The following ALG12 variants were observed in gnomAD, a reference collection of about 807,000 sequenced individuals.
The protein encoded by ALG12 is ALG12 alpha-1,6-mannosyltransferase, also known as dol-P-Man:Man(7)GlcNAc(2)-PP-Dol alpha-1,6-mannosyltransferase.
Under a neutral mutation model 46.0 loss-of-function variants are expected in ALG12, and 36 were observed. That is an observed-to-expected ratio of 0.78 (90% confidence interval 0.60 to 1.03). The LOEUF (loss-of-function observed/expected upper bound fraction) is 1.03. Ranked by LOEUF, ALG12 falls within the 50% of genes least tolerant of loss-of-function variation. ALG12 has a pLI of 0.00. For synonymous variants in ALG12, 326 were observed against 291.6 expected (o/e 1.12, Z -1.20); for missense variants, 599 against 633.5 (o/e 0.95, Z 0.58).
chr22:49,907,400 A>G (rs950778400), intron 7 of ALG12, among the ~76,000 whole-genome samples: 6 of 152,186 alleles, frequency 3.9e-5, no homozygotes, highest in Non-Finnish European at 7.4e-5. Context: ...GGCCGGTCCC[A>G]TCCCATGCAG....
the ALG12 span, chr22:49,887,696 G>A: frequency 0.048 from 8,074 of 168,154 alleles, 532 homozygotes; most frequent in African/African-American, 0.16. Context: ...AAAGTGTCCC[G>A]CGGAGTACAG....
the ALG12 span, among the ~76,000 whole-genome samples, chr22:49,871,488 TA>T: frequency 2.0e-5 from 3 of 150,498 alleles, no homozygotes; most frequent in African/African-American, 7.3e-5. Flanking sequence ...GTCTCAAAAA[TA>T]AAAAAAAAGT....
At chr22:49,867,649 C>A in the ALG12 span, among the ~76,000 whole-genome samples, 12 of 152,294 alleles carry the variant, frequency 7.9e-5, no homozygotes, top group African/African-American at 2.6e-4. Flanking sequence ...TCCAGTGATA[C>A]CTGTTGGCTA....
the ALG12 span, among the ~76,000 whole-genome samples, chr22:49,868,949 T>G: frequency 1.4e-5 from 1 of 69,830 alleles, no homozygotes; most frequent in South Asian, 5.8e-4. Context: ...CTGTCTCTAC[T>G]AAAAATACAA....
At chr22:49,912,139 T>C (rs1163611742) in intron 3 of ALG12, among the ~76,000 whole-genome samples, 1 of 143,800 alleles carries the variant, frequency 7.0e-6, no homozygotes, top group East Asian at 2.0e-4. Context: ...AGGATCACCC[T>C]CGGCCCCGGG....
chr22:49,886,788 C>T, the ALG12 span: 5 of 1,612,546 alleles, frequency 3.1e-6, no homozygotes, highest in South Asian at 1.1e-5. This position sits in a 1 kb window ranked among gnomAD's most constrained non-coding sequence, Gnocchi z 7.7. Context: ...CCTCAGAGGA[C>T]GTGGCTGCCT....
At chr22:49,914,060 T>A (rs563505464) in intron 1 of ALG12, among the ~76,000 whole-genome samples, 7 of 152,354 alleles carry the variant, frequency 4.6e-5, no homozygotes, top group African/African-American at 1.7e-4. Context: ...GCTCTGTGAA[T>A]GTTTTTCTAG....
the ALG12 span, among the ~76,000 whole-genome samples, chr22:49,871,684 G>A: frequency 6.6e-6 from 1 of 151,846 alleles, no homozygotes; most frequent in African/African-American, 2.4e-5. Flanking sequence ...ACCAATCAGA[G>A]TGCAGATTGC....
At chr22:49,897,663 CTTTTTTTTTTTT>C (rs146468551), downstream of ALG12, among the ~76,000 whole-genome samples, 3 of 103,656 alleles carry the variant, frequency 2.9e-5, no homozygotes, top group South Asian at 3.3e-4. Flanking sequence ...CCCATGTTTT[CTTTTTTTTTTTT>C]TTTTTTTTTT....
the ALG12 span, chr22:49,883,643 C>T: frequency 1.7e-5 from 26 of 1,525,032 alleles, no homozygotes; most frequent in African/African-American, 6.9e-5. Context: ...AAGATACAGC[C>T]GGAGTAGTTA....
chr22:49,898,907 T>G (rs2060493688), downstream of ALG12, among the ~76,000 whole-genome samples: 1 of 151,958 alleles, frequency 6.6e-6, no homozygotes, highest in African/African-American at 2.4e-5. Context: ...CGTGCACCAC[T>G]GAGGATAATG....
At chr22:49,897,821 A>G (rs2060489633), downstream of ALG12, among the ~76,000 whole-genome samples, 2 of 150,882 alleles carry the variant, frequency 1.3e-5, no homozygotes, top group South Asian at 4.2e-4. Flanking sequence ...ACGCCCGGAT[A>G]ATTTTTTTGT....
the ALG12 span, among the ~76,000 whole-genome samples, chr22:49,879,093 C>T: frequency 4.0e-5 from 6 of 148,630 alleles, no homozygotes; most frequent in African/African-American, 7.4e-5. Flanking sequence ...TGCAGTGAGC[C>T]GAGATCGCGC....
chr22:49,909,384 C>T, intron 5 of ALG12, 37 bp from the exon 6 acceptor site: 3 of 1,590,224 alleles, frequency 1.9e-6, no homozygotes, highest in Non-Finnish European at 2.6e-6. Flanking sequence ...GTCGCAAACA[C>T]AGCCATCAGT....
chr22:49,903,923 C>G lies in ALG12; in HGVS notation c.1382G>C (p.Ser461Thr). ...GGGGGGCAGTTGGGTCAGGTTCAGA[C>G]TCACACCTGTGGTCCCCACGACGCT... The part of the protein sequence containing the change: ...LASVVGTTGV[S>T]LNLTQLPPFN... Residue 461 changes from serine to threonine, a missense_variant, in exon 10 of 10, where the codon AGT (serine) becomes ACT (threonine). Ser to Thr is a moderately conservative substitution (Grantham distance 58). Transcript: ENST00000330817. 1 of 1,614,206 alleles carries G rather than the reference C, an allele frequency of 6.2e-7. No individual in the cohort carries two copies. The highest frequency in any genetic ancestry group is 8.5e-7 in the Non-Finnish European group (1 of 1,180,022).
rs764995252 is a variant in ALG12 at position 49,910,031 on chromosome 22, G to A, written c.527C>T (p.Ser176Leu). 2 of 1,613,542 alleles carry A rather than the reference G, an allele frequency of 1.2e-6. No homozygotes were observed. The highest frequency in any genetic ancestry group is 1.1e-5 in the South Asian group (1 of 91,060). The change falls in exon 5 of 10, where the codon TCA (serine) becomes TTA (leucine). Residue 176 changes from serine (S) to leucine (L), a missense_variant. Coordinates refer to ENST00000330817, the MANE Select transcript of ALG12 (RefSeq NM_024105.4). ...RHEWARFIWL[S>L]AFAIIVFRVE... is the part of the protein sequence containing the mutation. ...CCTGAACACGATGATGGCGAAGGCT[G>A]ACAGCCAGATGAAGCGGGCCCACTC...
chr22:49,903,426 C>T lies in ALG12; in HGVS notation c.*412G>A, dbSNP rs751020025. 6.5e-6 allele frequency: 3 copies of T among 461,794 alleles called. No individual in the cohort carries two copies. The highest frequency in any genetic ancestry group is 8.7e-6 in the Non-Finnish European group (2 of 230,946). 28.6% of individuals were successfully genotyped at this position (461,794 alleles called of 1,614,324 possible). On this transcript the variant is annotated 3_prime_UTR_variant, in exon 10 of 10. Transcript: ENST00000330817. ...TGTCTTAGGTGCCCCAAGAGGCCCT[C>T]GGGCAGCAAGCGTGGGGTGCTGCCA...
the ALG12 span, among the ~76,000 whole-genome samples, chr22:49,872,744 G>A: frequency 6.7e-6 from 1 of 149,578 alleles, no homozygotes; most frequent in South Asian, 2.1e-4. Flanking sequence ...TCACTCCATC[G>A]CCCAGGCTGG....
At chr22:49,861,579 G>A in the ALG12 span, among the ~76,000 whole-genome samples, 3 of 152,150 alleles carry the variant, frequency 2.0e-5, no homozygotes, top group African/African-American at 7.2e-5. Context: ...GACTACAGGC[G>A]CATGCCACCA....
Sources: allele counts gnomAD v4.1 joint callset (sites outside exome capture counted in the v4.1 genomes callset), GRCh38; gene constraint gnomAD v4.1.1; non-coding constraint Gnocchi (gnomAD v3.1); transcripts MANE v1.5; gene names NCBI Gene and HGNC (gene_info 2026-07-23, HGNC 2026-07-21).